Variants in PIEZO2 observed in about 807,000 individuals in gnomAD.
The protein encoded by PIEZO2 is piezo-type mechanosensitive ion channel component 2.
A neutral mutation model predicts 337.3 loss-of-function variants in PIEZO2; 172 were observed. That is an observed-to-expected ratio of 0.51 (90% confidence interval 0.45 to 0.58). PIEZO2 has a LOEUF of 0.58. PIEZO2 is among the 20% of genes least tolerant of loss of function. PIEZO2 has a pLI of 0.00. For synonymous variants in PIEZO2, 1,251 were observed against 1,228.5 expected, an observed-to-expected ratio of 1.02 and a Z score of -0.38; for missense variants, 3,028 against 3,391.3, an observed-to-expected ratio of 0.89 and a Z score of 2.66.
intron 2 of PIEZO2, among the ~76,000 whole-genome samples, chr18:10,983,160 T>A (rs1218995056): frequency 6.6e-6 from 1 of 152,040 alleles, no homozygotes; most frequent in Non-Finnish European, 1.5e-5. Flanking sequence ...CTCTACAAAT[T>A]GAGAGGAAAA....
At chr18:11,049,355 A>T (rs919185161) in intron 2 of PIEZO2, among the ~76,000 whole-genome samples, 1 of 152,204 alleles carries the variant, frequency 6.6e-6, no homozygotes, top group East Asian at 1.9e-4. Flanking sequence ...CTGGTGACCA[A>T]GGGTCTGTCT....
intron 4 of PIEZO2, among the ~76,000 whole-genome samples, chr18:10,889,464 G>A (rs2042696571): frequency 6.6e-6 from 1 of 152,138 alleles, no homozygotes; most frequent in African/African-American, 2.4e-5. Flanking sequence ...TGCAGATTCG[G>A]GAAATTAATC....
At chr18:10,921,824 C>T (rs917658129) in intron 3 of PIEZO2, among the ~76,000 whole-genome samples, 1 of 152,128 alleles carries the variant, frequency 6.6e-6, no homozygotes, top group African/African-American at 2.4e-5. Flanking sequence ...GGGTGGGTCT[C>T]TGAACTGGCC....
chr18:10,871,965 G>T (rs1486818252), intron 4 of PIEZO2, among the ~76,000 whole-genome samples: 2 of 152,170 alleles, frequency 1.3e-5, no homozygotes, highest in African/African-American at 2.4e-5. Flanking sequence ...GAACTTAGAA[G>T]ATTTGAGTTC....
intron 3 of PIEZO2, among the ~76,000 whole-genome samples, chr18:10,956,251 A>G (rs1355496083): frequency 6.6e-6 from 1 of 152,224 alleles, no homozygotes; most frequent in East Asian, 1.9e-4. Flanking sequence ...TTAACAAAAA[A>G]CTGTCCAAAA....
rs543093260 is a variant in PIEZO2 at position 11,129,391 on chromosome 18, C to T, written c.64+19134G>A. 1.2e-4 allele frequency among the ~76,000 whole-genome samples: 18 copies of T among 152,302 alleles called. No individual in the cohort carries two copies. Among genetic ancestry groups the T allele is most frequent in the African/African-American group, 3.8e-4 (16 of 41,574 alleles). On this transcript the variant is annotated intron_variant, in intron 1 of 55. Coordinates refer to ENST00000674853, the MANE Select transcript of PIEZO2 (RefSeq NM_001378183.1). The surrounding 1 kb of genome is among the most constrained non-coding windows in gnomAD (Gnocchi z 4.6). Reference sequence around the variant, plus strand: ...GGCAAAGCGGCAATCAGAATAGTCTCATTCGTGTAGAGCTCTGGCATTGGC... The same window carrying T: ...GGCAAAGCGGCAATCAGAATAGTCTTATTCGTGTAGAGCTCTGGCATTGGC...
intron 1 of PIEZO2, among the ~76,000 whole-genome samples, chr18:11,124,803 T>C (rs1284162131): frequency 6.6e-6 from 1 of 152,166 alleles, no homozygotes; most frequent in Admixed American, 6.5e-5. Flanking sequence ...ACACTTTAAA[T>C]GCCAGTGCTC....
At position 10,878,846 on chromosome 18, in the gene PIEZO2, CCCCAAGGAAATGAAGG is replaced by C. The variant is rs1245398065; in HGVS notation, c.330-7447_330-7432del. On this transcript the variant is annotated intron_variant, in intron 4 of 55. Transcript: ENST00000674853. This position sits in a 1 kb window ranked among gnomAD's most constrained non-coding sequence, Gnocchi z 4.3. ...ACCTGAAGCAAAGGACAAACATGAT[CCCCAAGGAAATGAAGG>C]CCACAGGAGAAACAGTGACGTGGCT... Among the ~76,000 whole-genome samples, 6 of 151,684 alleles carry C rather than the reference CCCCAAGGAAATGAAGG, an allele frequency of 4.0e-5. No homozygotes were observed. Among genetic ancestry groups the C allele is most frequent in the Admixed American group, 6.6e-5 (1 of 15,250 alleles).
In PIEZO2 at chr18:10,807,220, G is replaced by A. The variant is rs1459588488; in HGVS notation, c.972C>T (p.Ile324=). ...ACCACGACAGGTCCGGGTTCACTAT[G>A]ATCTTCCAAGTACTTGAACAGTCCG... ...IQTDCSSTWK[I]IVNPDLSWYH... is the part of the protein sequence containing the mutation. Residue 324 remains isoleucine, a synonymous_variant, in exon 8 of 56, where the codon ATC becomes ATT. Transcript: ENST00000674853. 1.3e-6 allele frequency: 2 copies of A among 1,537,280 alleles called. No individual in the cohort carries two copies. Among genetic ancestry groups the A allele is most frequent in the Admixed American group, 3.9e-5 (2 of 50,992 alleles).
intron 3 of PIEZO2, among the ~76,000 whole-genome samples, chr18:10,916,274 G>A (rs1270903235): frequency 6.6e-6 from 1 of 152,282 alleles, no homozygotes; most frequent in Non-Finnish European, 1.5e-5. Flanking sequence ...CCAGTCCCAC[G>A]CTGCACGCCC....
Position 10,988,047 on chromosome 18 carries a change from T to C in PIEZO2, c.161-8387A>G, listed in dbSNP as rs939072824. Among the ~76,000 whole-genome samples the C allele has an allele frequency of 2.0e-5, 3 of 152,268 alleles. No individual in the cohort carries two copies. The highest frequency in any genetic ancestry group is 4.4e-5 in the Non-Finnish European group (3 of 68,012). ...CCAAAATTCATATGTTGAAACTTAA[T>C]TACCCAAGTGATAGTATTAAGAGGT... On this transcript the variant is annotated intron_variant, in intron 2 of 55. Coordinates refer to ENST00000674853, the MANE Select transcript of PIEZO2 (RefSeq NM_001378183.1). The surrounding 1 kb of genome is among the most constrained non-coding windows in gnomAD (Gnocchi z 4.8).
chr18:10,860,754 T>C (rs1037509864), intron 5 of PIEZO2, among the ~76,000 whole-genome samples: 2 of 152,230 alleles, frequency 1.3e-5, no homozygotes, highest in African/African-American at 2.4e-5. Flanking sequence ...TATTCAATTA[T>C]AGAATTGCTA....
chr18:10,762,486 G>A lies in PIEZO2; in HGVS notation c.3249+14C>T, dbSNP rs1289961960. ...CGGAGTGGAGGCCCAAACTAAGCAC[G>A]ACAAAGCCATTACCCTCAGGTAGAC... On this transcript the variant is annotated intron_variant, in intron 23 of 55. Transcript: ENST00000674853. 1.4e-5 allele frequency: 22 copies of A among 1,535,702 alleles called. No individual in the cohort carries two copies. The highest frequency in any genetic ancestry group is 4.8e-5 in the South Asian group (4 of 83,614).
Position 11,148,665 on chromosome 18 carries a change from C to T in PIEZO2, c.-77G>A, listed in dbSNP as rs1437251293. The T allele has an allele frequency of 4.9e-6, 7 of 1,436,554 alleles. No individual in the cohort carries two copies. In the African/African-American group the frequency reaches 1.0e-4, roughly 20 times the overall value. 89.0% of individuals were successfully genotyped at this position (1,436,554 alleles called of 1,614,324 possible). A position where few individuals can be genotyped will look rare whatever the true frequency, so the allele number is the denominator to read the frequency against. ...GGGTGGTGGGACGCAAGGCCCATGC[C>T]CGTCTATGGCCTCTCGCCGCCGGCA... On this transcript the variant is annotated 5_prime_UTR_variant, in exon 1 of 56. Transcript: ENST00000674853. This position sits in a 1 kb window ranked among gnomAD's most constrained non-coding sequence, Gnocchi z 5.2.
At chr18:11,008,670 T>C (rs1285140516) in intron 2 of PIEZO2, among the ~76,000 whole-genome samples, 1 of 152,198 alleles carries the variant, frequency 6.6e-6, no homozygotes, top group Non-Finnish European at 1.5e-5. Context: ...CTTCTGCATA[T>C]CTATTTATCA....
chr18:10,954,914 G>C lies in PIEZO2; in HGVS notation c.286+24621C>G, dbSNP rs1020728834. ...TCAGGAGATTGAATATATTTTCTGGGTTCATTAAAATTATTCTTGCACTTT... is the reference window on the plus strand; with the variant it reads ...TCAGGAGATTGAATATATTTTCTGGCTTCATTAAAATTATTCTTGCACTTT... On this transcript the variant is annotated intron_variant, in intron 3 of 55. Transcript: ENST00000674853. The surrounding 1 kb of genome is among the most constrained non-coding windows in gnomAD (Gnocchi z 4.2). Among the ~76,000 whole-genome samples the C allele has an allele frequency of 5.3e-5, 8 of 152,158 alleles. No individual in the cohort carries two copies. Among genetic ancestry groups the C allele is most frequent in the African/African-American group, 1.9e-4 (8 of 41,436 alleles).
intron 24 of PIEZO2, among the ~76,000 whole-genome samples, chr18:10,760,692 G>A (rs1428731833): frequency 6.6e-6 from 1 of 152,202 alleles, no homozygotes; most frequent in Non-Finnish European, 1.5e-5. Flanking sequence ...GATCCAGAGA[G>A]GCCAAGGCAC....
intron 1 of PIEZO2, among the ~76,000 whole-genome samples, chr18:11,081,606 G>A (rs550882064): frequency 1.3e-5 from 2 of 152,240 alleles, no homozygotes; most frequent in East Asian, 1.9e-4. Context: ...CAGAGGGACC[G>A]AGTTCCCAGT....
In PIEZO2 at chr18:10,852,838, G is replaced by A. The variant is rs1336907754; in HGVS notation, c.917+2515C>T. On this transcript the variant is annotated intron_variant, in intron 7 of 55. Transcript: ENST00000674853. ...GTGGTCAGGCATGAGTGGGGCAGGA[G>A]AGGGCACCCCCCACCCACCAACCGG... Among the ~76,000 whole-genome samples, 6 of 152,254 alleles carry A rather than the reference G, an allele frequency of 3.9e-5. No homozygotes were observed. In the East Asian group the frequency reaches 7.7e-4, roughly 20 times the overall value.
Sources: gnomAD v4.1 joint callset for allele counts (sites outside exome capture counted in the v4.1 genomes callset) on GRCh38, gnomAD v4.1.1 for gene constraint, Gnocchi (gnomAD v3.1) non-coding constraint, MANE v1.5 for transcripts, NCBI Gene and HGNC (gene_info 2026-07-23, HGNC 2026-07-21) for gene names.